The following CHN1 variants were observed in gnomAD, a reference collection of about 807,000 sequenced individuals.
The protein encoded by CHN1 is chimerin 1.
CHN1 carries 37 observed loss-of-function variants against 59.5 expected under a neutral mutation model. That is an observed-to-expected ratio of 0.62 (90% CI 0.48 to 0.82). CHN1 has a LOEUF of 0.82. Among genes scored for constraint, CHN1 ranks in the 40% least tolerant of loss-of-function variants. CHN1 has a pLI of 0.00. For synonymous variants in CHN1, 206 were observed against 200.4 expected, an observed-to-expected ratio of 1.03 and a Z score of -0.24; for missense variants, 469 against 571.0, an observed-to-expected ratio of 0.82 and a Z score of 1.82.
chr2:174,961,796 G>C (rs917944374), intron 1 of CHN1, among the ~76,000 whole-genome samples: 1 of 152,082 alleles, frequency 6.6e-6, no homozygotes, highest in Non-Finnish European at 1.5e-5. Flanking sequence ...CACATGCCAT[G>C]TAGCTTCTAG....
intron 9 of CHN1, 38 bp from the exon 10 acceptor site, chr2:174,811,626 C>A: frequency 7.4e-7 from 1 of 1,342,624 alleles, no homozygotes; most frequent in Non-Finnish European, 1.0e-6. Flanking sequence ...TGAATTATGC[C>A]TTTTCTTCAG....
Position 175,004,982 on chromosome 2 carries a change from G to A in CHN1, c.-70C>T. 3 of 1,506,324 alleles carry A rather than the reference G, an allele frequency of 2.0e-6. No homozygotes were observed. Among genetic ancestry groups the A allele is most frequent in the Non-Finnish European group, 2.7e-6 (3 of 1,130,456 alleles). The allele number at this position is 1,506,324 out of a possible 1,614,324, so 93.3% of individuals were successfully genotyped here. A position where few individuals can be genotyped will look rare whatever the true frequency, so the allele number is the denominator to read the frequency against. ...AGGCGGGCTAGGGATCACCTCATCA[G>A]CCCGCCGCACCCACACCTCGGAGAG... On this transcript the variant is annotated 5_prime_UTR_variant, in exon 1 of 13. Coordinates refer to ENST00000409900, the MANE Select transcript of CHN1 (RefSeq NM_001822.7).
intron 8 of CHN1, among the ~76,000 whole-genome samples, chr2:174,819,147 G>C (rs1415459343): frequency 6.6e-6 from 1 of 152,106 alleles, no homozygotes; most frequent in Non-Finnish European, 1.5e-5. Flanking sequence ...CCAACTAAAA[G>C]GGGCTCCATG....
intron 1 of CHN1, among the ~76,000 whole-genome samples, chr2:174,991,077 CAATCAT>C (rs1210946714): frequency 6.6e-6 from 1 of 152,164 alleles, no homozygotes; most frequent in Non-Finnish European, 1.5e-5. Context: ...TTCTGTAAAA[CAATCAT>C]TAGGGTGAGC....
intron 8 of CHN1, 126 bp from the exon 9 acceptor site, chr2:174,812,608 A>C (rs1685114417): frequency 4.1e-6 from 3 of 725,430 alleles, no homozygotes; most frequent in Non-Finnish European, 4.4e-6. Context: ...AGACTCCAGC[A>C]GTTCTTTCTT....
intron 3 of CHN1, among the ~76,000 whole-genome samples, chr2:174,930,877 T>C (rs1689324119): frequency 6.6e-6 from 1 of 152,090 alleles, no homozygotes; most frequent in Non-Finnish European, 1.5e-5. Flanking sequence ...GCCATTCTCC[T>C]GCCTCAGCCT....
intron 3 of CHN1, among the ~76,000 whole-genome samples, chr2:174,921,703 C>A (rs1689023236): frequency 2.6e-5 from 4 of 152,028 alleles, no homozygotes; most frequent in Admixed American, 2.6e-4. Context: ...GGGAAGCAAA[C>A]AGGTCCTTCT....
chr2:174,885,407 A>G (rs1156278186), intron 5 of CHN1, among the ~76,000 whole-genome samples: 5 of 152,154 alleles, frequency 3.3e-5, no homozygotes, highest in African/African-American at 1.2e-4. Context: ...AGTGTTTGCC[A>G]TTTACAGAGC....
chr2:174,959,628 G>A (rs1316368195), intron 1 of CHN1, among the ~76,000 whole-genome samples: 1 of 152,150 alleles, frequency 6.6e-6, no homozygotes, highest in Non-Finnish European at 1.5e-5. Context: ...CTCAAGCCAA[G>A]TCCCACTGGC....
At chr2:174,857,184 T>C (rs1225090522) in intron 6 of CHN1, among the ~76,000 whole-genome samples, 1 of 152,172 alleles carries the variant, frequency 6.6e-6, no homozygotes, top group Non-Finnish European at 1.5e-5. Context: ...ATAAATTGAA[T>C]ACTTAATGTG....
At chr2:174,803,218 G>A (rs1425694433) in intron 11 of CHN1, among the ~76,000 whole-genome samples, 2 of 152,136 alleles carry the variant, frequency 1.3e-5, no homozygotes, top group South Asian at 2.1e-4. Context: ...GTAATGAATT[G>A]AAGTCAGGTA....
intron 1 of CHN1, among the ~76,000 whole-genome samples, chr2:174,980,483 G>A (rs937780888): frequency 3.3e-5 from 5 of 151,958 alleles, no homozygotes; most frequent in Middle Eastern, 3.4e-3. Flanking sequence ...CTTTTTTCCC[G>A]TTTTTAAAAT....
At chr2:174,866,892 A>G (rs1210932431) in intron 6 of CHN1, among the ~76,000 whole-genome samples, 1 of 152,140 alleles carries the variant, frequency 6.6e-6, no homozygotes, top group East Asian at 1.9e-4. Context: ...TATCTCCGAA[A>G]GAAATTAATT....
intron 5 of CHN1, among the ~76,000 whole-genome samples, chr2:174,889,203 T>C (rs1181246725): frequency 6.6e-6 from 1 of 151,666 alleles, no homozygotes; most frequent in Admixed American, 6.6e-5. Context: ...GCCCCTAGAA[T>C]CTCTACACAG....
chr2:175,002,713 TA>T (rs1160897772), intron 1 of CHN1, among the ~76,000 whole-genome samples: 4 of 152,172 alleles, frequency 2.6e-5, no homozygotes, highest in Non-Finnish European at 4.4e-5. Context: ...GCCTCAGGTA[TA>T]AACTCTGCTG....
chr2:174,809,806 C>T (rs1574040357), intron 10 of CHN1, among the ~76,000 whole-genome samples: 1 of 152,322 alleles, frequency 6.6e-6, no homozygotes, highest in East Asian at 1.9e-4. Flanking sequence ...CTCCAGCAGA[C>T]TAGGATTCTT....
At chr2:174,892,697 G>T (rs1240002409) in intron 5 of CHN1, among the ~76,000 whole-genome samples, 1 of 152,120 alleles carries the variant, frequency 6.6e-6, no homozygotes, top group African/African-American at 2.4e-5. Flanking sequence ...GATGAATATT[G>T]AAACAGAAAT....
chr2:174,815,536 T>C (rs1313455573), intron 8 of CHN1, among the ~76,000 whole-genome samples: 8 of 152,106 alleles, frequency 5.3e-5, no homozygotes, highest in African/African-American at 1.9e-4. Context: ...TATTTTTCAG[T>C]TCTAAAATTT....
chr2:174,946,554 TGA>T (rs1342023241), intron 2 of CHN1, among the ~76,000 whole-genome samples: 1 of 152,140 alleles, frequency 6.6e-6, no homozygotes, highest in African/African-American at 2.4e-5. Context: ...TATTTCATTG[TGA>T]GAGTTAATAA....
Sources: gnomAD v4.1 joint callset for allele counts (sites outside exome capture counted in the v4.1 genomes callset) on GRCh38, gnomAD v4.1.1 for gene constraint, MANE v1.5 for transcripts, NCBI Gene and HGNC (gene_info 2026-07-23, HGNC 2026-07-21) for gene names.